Variants in CHST8 observed in about 807,000 individuals in gnomAD.
CHST8 encodes the protein GALNAC-4-ST1.
A neutral mutation model predicts 15.0 loss-of-function variants in CHST8; 10 were observed. The observed-to-expected ratio is 0.67, with a 90% CI of 0.41 to 1.13. CHST8 has a LOEUF of 1.13. Ranked by LOEUF, CHST8 falls within the 50% of genes most tolerant of loss-of-function variation. CHST8 has a pLI of 0.00. For synonymous variants in CHST8, 259 were observed against 256.6 expected (o/e 1.01, Z -0.09); for missense variants, 634 against 608.2 (o/e 1.04, Z -0.45).
chr19:33,757,553 AAAGAAAGAAAG>A (rs1300451522), intron 3 of CHST8, among the ~76,000 whole-genome samples: 4 of 126,212 alleles, frequency 3.2e-5, no homozygotes, highest in Non-Finnish European at 5.1e-5. Context: ...AGAAAGAAAG[AAAGAAAGAAAG>A]AAAGAAAGAA....
At chr19:33,703,651 G>A (rs1214632667) in intron 3 of CHST8, among the ~76,000 whole-genome samples, 1 of 152,226 alleles carries the variant, frequency 6.6e-6, no homozygotes, top group Non-Finnish European at 1.5e-5. Context: ...CATTTGTGGT[G>A]CCTTTAGGGT....
At chr19:33,652,012 T>C (rs1390282492) in intron 1 of CHST8, among the ~76,000 whole-genome samples, 1 of 152,204 alleles carries the variant, frequency 6.6e-6, no homozygotes, top group African/African-American at 2.4e-5. Context: ...TTAAGATCTC[T>C]CAATATGGTT....
rs1568358508 is a variant in CHST8 at position 33,757,462 on chromosome 19, GAAAGAAAGAAA to G, written c.131-13950_131-13940del. On this transcript the variant is annotated intron_variant, in intron 3 of 4. Coordinates refer to ENST00000650847, the MANE Select transcript of CHST8 (RefSeq NM_001127895.2). ...AGAAAGAAAGAAAGAAAGAAAGAAA[GAAAGAAAGAAA>G]GAAAGAAAGAAAGAAAGAAAGAAAG... Among the ~76,000 whole-genome samples the G allele has an allele frequency of 5.2e-4, 20 of 38,142 alleles. 4 individuals carry two copies. Among genetic ancestry groups the G allele is most frequent in the Non-Finnish European group, 9.5e-4 (18 of 18,934 alleles). The allele number at this position is 38,142 out of a possible 152,430, so 25.0% of individuals were successfully genotyped here.
intron 3 of CHST8, among the ~76,000 whole-genome samples, chr19:33,705,122 G>A (rs930933215): frequency 1.3e-5 from 2 of 152,022 alleles, no homozygotes; most frequent in African/African-American, 4.8e-5. Flanking sequence ...GCCCTATTTG[G>A]CTCCATGCCT....
intron 3 of CHST8, among the ~76,000 whole-genome samples, chr19:33,733,106 T>C (rs1974022869): frequency 6.6e-6 from 1 of 152,138 alleles, no homozygotes; most frequent in Admixed American, 6.5e-5. Context: ...GCTCCTATAC[T>C]GAAGCTCTCT....
At chr19:33,700,979 C>A (rs772617203) in intron 3 of CHST8, among the ~76,000 whole-genome samples, 10 of 152,150 alleles carry the variant, frequency 6.6e-5, no homozygotes, top group African/African-American at 1.9e-4. Context: ...GAACATGGAA[C>A]CTTCAGGTCT....
chr19:33,647,840 C>T (rs950096682), intron 1 of CHST8, among the ~76,000 whole-genome samples: 8 of 146,878 alleles, frequency 5.4e-5, no homozygotes, highest in South Asian at 4.3e-4. Flanking sequence ...AGTGATGCTC[C>T]GTTTCAAAAT....
rs139656788 is a variant in CHST8 at position 33,734,150 on chromosome 19, C to T, written c.131-37263C>T. On this transcript the variant is annotated intron_variant, in intron 3 of 4. Transcript: ENST00000650847. ...ATAAAACAGGTTGCAGTAAGGAAGCCGGCTAAAACCCACCAAAACCAATGG... is the reference window on the plus strand; with the variant it reads ...ATAAAACAGGTTGCAGTAAGGAAGCTGGCTAAAACCCACCAAAACCAATGG... 6.8e-3 allele frequency among the ~76,000 whole-genome samples: 1,030 copies of T among 152,216 alleles called. 12 individuals carry two copies. The highest frequency in any genetic ancestry group is 7.9e-3 in the Non-Finnish European group (538 of 68,012).
At chr19:33,765,755 T>G (rs1974827216) in intron 3 of CHST8, among the ~76,000 whole-genome samples, 1 of 152,068 alleles carries the variant, frequency 6.6e-6, no homozygotes, top group Non-Finnish European at 1.5e-5. Flanking sequence ...GAGACGAGGT[T>G]TCACCATGTT....
At chr19:33,657,054 A>G (rs78506251) in intron 1 of CHST8, among the ~76,000 whole-genome samples, 2,265 of 151,854 alleles carry the variant, frequency 0.015, 47 homozygotes, top group African/African-American at 0.052. Context: ...TACTGCGCTG[A>G]GACCTGTTAA....
chr19:33,766,731 C>A (rs1227212026), intron 3 of CHST8, among the ~76,000 whole-genome samples: 1 of 152,224 alleles, frequency 6.6e-6, no homozygotes, highest in Non-Finnish European at 1.5e-5. Flanking sequence ...ACTCCCCACC[C>A]CCAGTCGGGC....
intron 3 of CHST8, among the ~76,000 whole-genome samples, chr19:33,729,016 G>A (rs1362421369): frequency 6.6e-6 from 1 of 152,210 alleles, no homozygotes; most frequent in African/African-American, 2.4e-5. Flanking sequence ...TGTTGAGAAA[G>A]ACTCTGGCAC....
chr19:33,740,930 G>A lies in CHST8; in HGVS notation c.131-30483G>A, dbSNP rs1054062045. Among the ~76,000 whole-genome samples the A allele has an allele frequency of 2.4e-4, 37 of 152,120 alleles. 1 individual carries two copies. Among genetic ancestry groups the A allele is most frequent in the African/African-American group, 7.7e-4 (32 of 41,416 alleles). ...CAGATTTCACACCTTACATTCCCCG[G>A]GTCCTCCTATCCCAGAGAACAGAAC... On this transcript the variant is annotated intron_variant, in intron 3 of 4. Transcript: ENST00000650847.
chr19:33,679,544 A>G (rs185705066), intron 2 of CHST8, among the ~76,000 whole-genome samples: 61 of 152,264 alleles, frequency 4.0e-4, no homozygotes, highest in Admixed American at 2.2e-3. Context: ...AGGCGAAGTG[A>G]GTGTATTTGC....
At chr19:33,700,101 T>A (rs930726146) in intron 3 of CHST8, among the ~76,000 whole-genome samples, 2 of 152,224 alleles carry the variant, frequency 1.3e-5, no homozygotes, top group Non-Finnish European at 2.9e-5. Flanking sequence ...CCCAGACTCC[T>A]TCCTGGGCTG....
intron 3 of CHST8, among the ~76,000 whole-genome samples, chr19:33,711,287 G>T (rs992386510): frequency 1.3e-5 from 2 of 148,954 alleles, no homozygotes; most frequent in Admixed American, 6.7e-5. Flanking sequence ...TAGGACTGGG[G>T]TCTTGATATC....
At chr19:33,677,240 C>T (rs771913318) in intron 2 of CHST8, among the ~76,000 whole-genome samples, 33 of 152,152 alleles carry the variant, frequency 2.2e-4, no homozygotes, top group Admixed American at 6.5e-4. Context: ...CCGAGTGCTG[C>T]CCACATCCCT....
At chr19:33,655,613 C>G (rs1382947405) in intron 1 of CHST8, among the ~76,000 whole-genome samples, 1 of 152,162 alleles carries the variant, frequency 6.6e-6, no homozygotes, top group Non-Finnish European at 1.5e-5. Context: ...AGCTTCTCTA[C>G]TTCTTAAATC....
intron 3 of CHST8, among the ~76,000 whole-genome samples, chr19:33,760,878 C>G (rs542778602): frequency 3.9e-5 from 6 of 152,158 alleles, no homozygotes; most frequent in Non-Finnish European, 7.3e-5. Context: ...CCTTGCTAGA[C>G]TGGAAGCTTC....
Sources: allele counts gnomAD v4.1 joint callset (sites outside exome capture counted in the v4.1 genomes callset), GRCh38; gene constraint gnomAD v4.1.1; transcripts MANE v1.5; gene names NCBI Gene and HGNC (gene_info 2026-07-23, HGNC 2026-07-21).